The following ASTN1 variants were observed in gnomAD, a reference collection of about 807,000 sequenced individuals.
ASTN1 encodes astrotactin-1.
Under a neutral mutation model 140.7 loss-of-function variants are expected in ASTN1, and 41 were observed. The observed-to-expected ratio is 0.29, with a 90% confidence interval of 0.23 to 0.38. The LOEUF is 0.38. Among genes scored for constraint, ASTN1 ranks in the 10% least tolerant of loss-of-function variants. The probability of loss-of-function intolerance (pLI) is 1.00; values close to 1 mark genes in which losing one functional copy is unlikely to be tolerated. For missense variants in ASTN1, 1,479 were observed against 1,678.8 expected (o/e 0.88, Z 2.08); for synonymous variants, 640 against 652.2 (o/e 0.98, Z 0.29).
chr1:176,872,501 A>G (rs747925678), intron 21 of ASTN1, among the ~76,000 whole-genome samples: 1 of 152,340 alleles, frequency 6.6e-6, no homozygotes, highest in Middle Eastern at 3.4e-3. Context: ...CTATTCTCCA[A>G]TAATGAAAAG....
chr1:176,914,923 A>C (rs1670417572), intron 16 of ASTN1, among the ~76,000 whole-genome samples: 1 of 152,162 alleles, frequency 6.6e-6, no homozygotes, highest in South Asian at 2.1e-4. Context: ...AAAACTCAGA[A>C]TCTTTCTAAG....
At chr1:177,138,788 A>G (rs765529808) in intron 1 of ASTN1, among the ~76,000 whole-genome samples, 41 of 152,250 alleles carry the variant, frequency 2.7e-4, no homozygotes, top group Non-Finnish European at 5.4e-4. Context: ...GACAGGGTGC[A>G]GCCTGGGTGG....
chr1:177,056,717 T>G (rs1677826765), intron 2 of ASTN1, among the ~76,000 whole-genome samples: 1 of 152,140 alleles, frequency 6.6e-6, no homozygotes, highest in African/African-American at 2.4e-5. Context: ...AGACAATACA[T>G]TTAAATTCTA....
Position 176,986,993 on chromosome 1 carries a change from C to A in ASTN1, c.1524-21756G>T, listed in dbSNP as rs148273516. Among the ~76,000 whole-genome samples, 228 of 152,142 alleles carry A rather than the reference C, an allele frequency of 1.5e-3. 1 individual carries two copies. The highest frequency in any genetic ancestry group is 2.4e-3 in the Non-Finnish European group (163 of 68,002). Reference sequence around the variant, plus strand: ...AATGGGGGCAAGCGTGGATTTTGACCCCCCTCTTAACTAGGCAATATCTGG... The same window carrying A: ...AATGGGGGCAAGCGTGGATTTTGACACCCCTCTTAACTAGGCAATATCTGG... On this transcript the variant is annotated intron_variant, in intron 8 of 22. Coordinates refer to ENST00000361833, the MANE Select transcript of ASTN1 (RefSeq NM_004319.3).
intron 16 of ASTN1, among the ~76,000 whole-genome samples, chr1:176,907,466 G>A (rs368246933): frequency 1.3e-4 from 20 of 152,154 alleles, no homozygotes; most frequent in Admixed American, 1.3e-4. Flanking sequence ...AACTACTGAC[G>A]TTCGTCTGAA....
At chr1:177,139,213 C>T (rs960505454) in intron 1 of ASTN1, among the ~76,000 whole-genome samples, 1 of 152,134 alleles carries the variant, frequency 6.6e-6, no homozygotes, top group African/African-American at 2.4e-5. Context: ...TATACATGAG[C>T]TTACCTCTAT....
chr1:177,115,413 T>C (rs1681034200), intron 1 of ASTN1, among the ~76,000 whole-genome samples: 1 of 152,184 alleles, frequency 6.6e-6, no homozygotes, highest in Non-Finnish European at 1.5e-5. Context: ...GGCTCACACC[T>C]ATAATCCCAG....
At chr1:177,048,428 T>C (rs1410834432) in intron 2 of ASTN1, among the ~76,000 whole-genome samples, 1 of 152,162 alleles carries the variant, frequency 6.6e-6, no homozygotes, top group African/African-American at 2.4e-5. Context: ...AAATACTTTT[T>C]CCCCCTTAAG....
intron 16 of ASTN1, among the ~76,000 whole-genome samples, chr1:176,922,532 C>T (rs1160870674): frequency 7.9e-6 from 1 of 126,354 alleles, no homozygotes. Context: ...CACATTCTTA[C>T]AGTGTCCACT....
At chr1:177,050,289 G>T (rs1409232994) in intron 2 of ASTN1, among the ~76,000 whole-genome samples, 1 of 152,048 alleles carries the variant, frequency 6.6e-6, no homozygotes, top group African/African-American at 2.4e-5. Flanking sequence ...ATGGTATTAG[G>T]GTAGCAGAAC....
intron 11 of ASTN1, among the ~76,000 whole-genome samples, chr1:176,949,750 G>A (rs1034843629): frequency 2.0e-5 from 3 of 152,206 alleles, no homozygotes; most frequent in Non-Finnish European, 4.4e-5. Flanking sequence ...CTGCTCTTTG[G>A]CCTTGGTGGT....
At chr1:176,928,351 T>C (rs1261921671) in intron 16 of ASTN1, among the ~76,000 whole-genome samples, 1 of 152,192 alleles carries the variant, frequency 6.6e-6, no homozygotes, top group Admixed American at 6.5e-5. Flanking sequence ...TGCATTTTGA[T>C]TACTTTAAAT....
chr1:177,090,091 C>T (rs1679673649), intron 1 of ASTN1, among the ~76,000 whole-genome samples: 1 of 151,872 alleles, frequency 6.6e-6, no homozygotes, highest in African/African-American at 2.4e-5. Context: ...AACAAAGACC[C>T]TAGCAATTTA....
At chr1:177,161,041 C>T (rs1174785272) in intron 1 of ASTN1, among the ~76,000 whole-genome samples, 2 of 152,188 alleles carry the variant, frequency 1.3e-5, no homozygotes, top group African/African-American at 4.8e-5. Context: ...ATACTGGGCC[C>T]TTGAATCACA....
chr1:177,024,516 C>G (rs977322473), intron 6 of ASTN1, 67 bp downstream of exon 6: 10 of 1,572,628 alleles, frequency 6.4e-6, no homozygotes, highest in Non-Finnish European at 8.7e-6. Context: ...TCTTCTCTAG[C>G]CTTTGCCCAA....
At chr1:176,914,559 G>T (rs1425583068) in intron 16 of ASTN1, among the ~76,000 whole-genome samples, 1 of 152,212 alleles carries the variant, frequency 6.6e-6, no homozygotes, top group Non-Finnish European at 1.5e-5. Context: ...GGGTCCTGAA[G>T]AACCAGTCCA....
intron 4 of ASTN1, 117 bp from the exon 5 acceptor site, chr1:177,029,858 C>T (rs772557545): frequency 8.8e-5 from 89 of 1,013,180 alleles, no homozygotes; most frequent in Middle Eastern, 4.2e-4. Flanking sequence ...GACTGATAAT[C>T]TGGGAGAAAT....
At chr1:176,902,701 G>A (rs1415022185) in intron 16 of ASTN1, among the ~76,000 whole-genome samples, 1 of 152,146 alleles carries the variant, frequency 6.6e-6, no homozygotes, top group African/African-American at 2.4e-5. Flanking sequence ...AGAAATGATG[G>A]GATAGTAGAA....
chr1:176,916,420 A>G (rs1330328197), intron 16 of ASTN1, among the ~76,000 whole-genome samples: 1 of 152,186 alleles, frequency 6.6e-6, no homozygotes, highest in Non-Finnish European at 1.5e-5. Flanking sequence ...TCTGCTGCTC[A>G]GTAATCCAAG....
Sources: allele counts gnomAD v4.1 joint callset (sites outside exome capture counted in the v4.1 genomes callset), GRCh38; gene constraint gnomAD v4.1.1; transcripts MANE v1.5; gene names NCBI Gene and HGNC (gene_info 2026-07-23, HGNC 2026-07-21).